PDS5A: variants seen among roughly 807,000 people sequenced by gnomAD.
PDS5A encodes the protein sister chromatid cohesion protein PDS5 homolog A.
Under a neutral mutation model 167.1 loss-of-function variants are expected in PDS5A, and 42 were observed. The observed-to-expected ratio is 0.25, with a 90% CI of 0.20 to 0.33. The LOEUF (loss-of-function observed/expected upper bound fraction) is 0.33, where lower values mean the gene tolerates loss of function less well. PDS5A is among the 10% of genes least tolerant of loss of function. The pLI is 1.00. For missense variants in PDS5A, 1,033 were observed against 1,605.9 expected, an observed-to-expected ratio of 0.64 and a Z score of 6.10; for synonymous variants, 553 against 554.6, an observed-to-expected ratio of 1.00 and a Z score of 0.04.
chr4:39,835,010 G>A (rs571546994), intron 32 of PDS5A, among the ~76,000 whole-genome samples: 4 of 152,166 alleles, frequency 2.6e-5, no homozygotes, highest in Non-Finnish European at 5.9e-5. Flanking sequence ...TCACTCTGTC[G>A]TCCAGACTGG....
chr4:39,869,510 T>A (rs1560441372), intron 21 of PDS5A, 48 bp from the exon 22 acceptor site: 3 of 1,152,780 alleles, frequency 2.6e-6, no homozygotes, highest in East Asian at 2.3e-5. Flanking sequence ...AAAAAAAATT[T>A]ATGTTTTTGC....
intron 11 of PDS5A, among the ~76,000 whole-genome samples, chr4:39,904,432 A>T (rs1578708033): frequency 6.6e-6 from 1 of 152,054 alleles, no homozygotes; most frequent in South Asian, 2.1e-4. Flanking sequence ...TCCGCCTCCC[A>T]GGTTCACACC....
chr4:39,976,746 C>G (rs1731127323), intron 1 of PDS5A, 129 bp from the exon 2 acceptor site: 1 of 486,192 alleles, frequency 2.1e-6, no homozygotes, highest in African/African-American at 1.9e-5. Context: ...GCGGCCTCGC[C>G]ACCCGCTCTT....
At chr4:39,947,141 G>A (rs995927989) in intron 2 of PDS5A, among the ~76,000 whole-genome samples, 1 of 151,988 alleles carries the variant, frequency 6.6e-6, no homozygotes, top group African/African-American at 2.4e-5. Context: ...CACTTGGAAT[G>A]AATAATCTGA....
At chr4:39,842,163 T>C (rs940403758) in intron 30 of PDS5A, 107 bp from the exon 31 acceptor site, 17 of 668,178 alleles carry the variant, frequency 2.5e-5, no homozygotes, top group Admixed American at 5.4e-5. Context: ...ACCTTGACAA[T>C]TGAAGCAACA....
rs1384314851 is a variant in PDS5A, at chr4:39,913,769, C to G, written c.877-43G>C. On this transcript the variant is annotated intron_variant, in intron 8 of 32. Coordinates refer to ENST00000303538, the MANE Select transcript of PDS5A (RefSeq NM_001100399.2). The stretch of plus-strand genomic sequence containing the variant: ...AAAGTGAAGCCTAAGCTTTATTCAC[C>G]AGATTACAGAAAATATCTTGAAACA... 8.2e-6 allele frequency: 8 copies of G among 972,018 alleles called. No individual in the cohort carries two copies. In the South Asian group the frequency reaches 1.0e-4, roughly 12 times the overall value. 60.2% of individuals were successfully genotyped at this position (972,018 alleles called of 1,614,324 possible).
At chr4:39,834,872 C>G (rs992604934) in intron 32 of PDS5A, among the ~76,000 whole-genome samples, 1 of 152,158 alleles carries the variant, frequency 6.6e-6, no homozygotes, top group African/African-American at 2.4e-5. Context: ...AACACTAAAG[C>G]CTATTCCCGC....
intron 2 of PDS5A, among the ~76,000 whole-genome samples, chr4:39,967,046 T>C (rs1387351240): frequency 6.6e-6 from 1 of 151,986 alleles, no homozygotes; most frequent in Non-Finnish European, 1.5e-5. Flanking sequence ...GGCTCACGCC[T>C]GTAATCCCAG....
intron 28 of PDS5A, 53 bp from the exon 29 acceptor site, chr4:39,845,933 G>C (rs1254338319): frequency 4.0e-6 from 5 of 1,237,836 alleles, no homozygotes; most frequent in Non-Finnish European, 4.2e-6. Flanking sequence ...AAAGGAACAT[G>C]AGTATTTTAA....
In PDS5A at chr4:39,977,691, GT is replaced by G. The variant is rs1731258052; in HGVS notation, c.-276del. 1 of 150,490 alleles carries G rather than the reference GT, an allele frequency of 6.6e-6. No homozygotes were observed. The highest frequency in any genetic ancestry group is 2.4e-5 in the African/African-American group (1 of 41,196). 9.3% of individuals were successfully genotyped at this position (150,490 alleles called of 1,614,324 possible). On this transcript the variant is annotated 5_prime_UTR_variant, in exon 1 of 33. Transcript: ENST00000303538. The surrounding 1 kb of genome is among the most constrained non-coding windows in gnomAD (Gnocchi z 4.2). ...GGGCGGGGAGACAGTGCCGCTCTCC[GT>G]CTGGCCGAGGAAGAGCAGCCTCGAA...
chr4:39,948,069 C>T (rs6837706), intron 2 of PDS5A, among the ~76,000 whole-genome samples: 144,777 of 152,054 alleles, frequency 0.95, 68,940 homozygotes, highest in East Asian at 0.99. Flanking sequence ...TGGGCAACAA[C>T]TGCAAGACCC....
intron 8 of PDS5A, among the ~76,000 whole-genome samples, chr4:39,914,868 T>C (rs1724214157): frequency 6.6e-6 from 1 of 152,164 alleles, no homozygotes; most frequent in African/African-American, 2.4e-5. Context: ...AAAATAGTTT[T>C]GGAAAAGAGA....
Position 39,891,414 on chromosome 4 carries a change from T to C in PDS5A, c.1771-1050A>G, listed in dbSNP as rs1721949408. Among the ~76,000 whole-genome samples, 3 of 150,900 alleles carry C rather than the reference T, an allele frequency of 2.0e-5. No individual in the cohort carries two copies. In the South Asian group the frequency reaches 6.3e-4, roughly 32 times the overall value. ...CTGTAATCCCAGCACTTTGGGAGGCTGAGGCGGGCGGATCACCTGAGGTCA... is the reference window on the plus strand; with the variant it reads ...CTGTAATCCCAGCACTTTGGGAGGCCGAGGCGGGCGGATCACCTGAGGTCA... On this transcript the variant is annotated intron_variant, in intron 16 of 32. Coordinates refer to ENST00000303538, the MANE Select transcript of PDS5A (RefSeq NM_001100399.2).
At chr4:39,952,128 G>A (rs907172861) in intron 2 of PDS5A, among the ~76,000 whole-genome samples, 3 of 151,656 alleles carry the variant, frequency 2.0e-5, no homozygotes, top group African/African-American at 7.3e-5. Flanking sequence ...TCAGGAGTTC[G>A]AGACCAGCAT....
chr4:39,905,627 A>C (rs1723268879), intron 11 of PDS5A, among the ~76,000 whole-genome samples: 1 of 152,196 alleles, frequency 6.6e-6, no homozygotes, highest in Non-Finnish European at 1.5e-5. Context: ...GAACGCTTTC[A>C]ACAGTAAAGA....
intron 17 of PDS5A, among the ~76,000 whole-genome samples, chr4:39,882,829 ACAGGGCTAT>A (rs965931940): frequency 1.3e-5 from 2 of 152,306 alleles, no homozygotes; most frequent in African/African-American, 4.8e-5. Flanking sequence ...TATATATTTC[ACAGGGCTAT>A]CATGATGAAA....
At chr4:39,909,438 A>G (rs900660183) in intron 10 of PDS5A, among the ~76,000 whole-genome samples, 3 of 152,170 alleles carry the variant, frequency 2.0e-5, no homozygotes, top group Non-Finnish European at 4.4e-5. Flanking sequence ...CATTTTAATA[A>G]TGTATTTTCA....
chr4:39,938,124 G>A (rs1156291360), intron 2 of PDS5A, among the ~76,000 whole-genome samples: 1 of 152,144 alleles, frequency 6.6e-6, no homozygotes, highest in African/African-American at 2.4e-5. Flanking sequence ...TTCGTTTTCT[G>A]TATATCACTT....
Position 39,922,724 on chromosome 4 carries a change from T to C in PDS5A, c.552A>G (p.Gln184=). ...AACTCATCAAATCTAGCATGTGCAT[T>C]TGTACCTTCTTATTGTGGCTATTGC... ...VINNSHNKKV[Q]MHMLDLMSSI... is the part of the protein sequence containing the mutation. The change falls in exon 6 of 33, where the codon CAA becomes CAG. Residue 184 remains glutamine (Q), a synonymous_variant. Transcript: ENST00000303538. The C allele has an allele frequency of 6.4e-7, 1 of 1,552,972 alleles. No homozygotes were observed. The highest frequency in any genetic ancestry group is 8.7e-7 in the Non-Finnish European group (1 of 1,150,958).
Sources: gnomAD v4.1 joint callset for allele counts (sites outside exome capture counted in the v4.1 genomes callset) on GRCh38, gnomAD v4.1.1 for gene constraint, Gnocchi (gnomAD v3.1) non-coding constraint, MANE v1.5 for transcripts, NCBI Gene and HGNC (gene_info 2026-07-23, HGNC 2026-07-21) for gene names.